Variants in ADGRL3 observed in about 807,000 individuals in gnomAD.
The protein encoded by ADGRL3 is adhesion G protein-coupled receptor L3, also known as calcium-independent alpha-latrotoxin receptor 3.
A neutral mutation model predicts 153.5 loss-of-function variants in ADGRL3; 62 were observed. The ratio of observed to expected loss-of-function variants is 0.40; its 90% CI spans 0.33 to 0.50. ADGRL3 has a LOEUF of 0.50. ADGRL3 is among the 20% of genes least tolerant of loss of function. The pLI is 0.47. For missense variants in ADGRL3, 1,641 were observed against 1,859.4 expected (o/e 0.88, Z 2.16); for synonymous variants, 710 against 672.5 (o/e 1.06, Z -0.86).
intron 1 of ADGRL3, among the ~76,000 whole-genome samples, chr4:61,259,291 C>T (rs974988265): frequency 1.3e-5 from 2 of 151,912 alleles, no homozygotes; most frequent in Admixed American, 6.6e-5. Context: ...GGCGTGGTGG[C>T]GGGCACCTGT....
intron 4 of ADGRL3, among the ~76,000 whole-genome samples, chr4:61,571,063 A>AT (rs1447621443): frequency 6.6e-6 from 1 of 152,110 alleles, no homozygotes; most frequent in Non-Finnish European, 1.5e-5. Flanking sequence ...ATTTGCAAAT[A>AT]GTAAAGATGG....
At chr4:61,561,395 ATTTAAC>A (rs1344189672) in intron 4 of ADGRL3, among the ~76,000 whole-genome samples, 2 of 152,154 alleles carry the variant, frequency 1.3e-5, no homozygotes, top group Non-Finnish European at 2.9e-5. Context: ...TTATAATCTC[ATTTAAC>A]TCCAGGTACA....
At chr4:61,996,430 C>T (rs2099121905) in intron 20 of ADGRL3, 73 bp downstream of exon 20, 1 of 1,024,646 alleles carries the variant, frequency 9.8e-7, no homozygotes. Context: ...TACTGACTGT[C>T]TTTAATTTAC....
chr4:61,938,487 T>C (rs1376833072), intron 15 of ADGRL3, among the ~76,000 whole-genome samples: 1 of 152,124 alleles, frequency 6.6e-6, no homozygotes, highest in Non-Finnish European at 1.5e-5. Flanking sequence ...GGATATCTCA[T>C]AGAATCACTG....
intron 9 of ADGRL3, among the ~76,000 whole-genome samples, chr4:61,875,589 C>G (rs979669466): frequency 7.9e-5 from 12 of 152,108 alleles, no homozygotes; most frequent in African/African-American, 2.7e-4. Flanking sequence ...GTGTTGGAAA[C>G]TAATTTCAAA....
At chr4:61,618,395 T>TA (rs1468741424) in intron 5 of ADGRL3, among the ~76,000 whole-genome samples, 25 of 152,216 alleles carry the variant, frequency 1.6e-4, no homozygotes, top group African/African-American at 5.3e-4. Context: ...TGTTTCTATG[T>TA]AACAAATTGC....
At chr4:61,651,100 G>A (rs1471287936) in intron 5 of ADGRL3, among the ~76,000 whole-genome samples, 1 of 151,976 alleles carries the variant, frequency 6.6e-6, no homozygotes, top group Non-Finnish European at 1.5e-5. Context: ...CTATTTACTT[G>A]GCAGTTTAAA....
chr4:61,921,487 C>T (rs1363540890), intron 13 of ADGRL3, among the ~76,000 whole-genome samples: 2 of 152,110 alleles, frequency 1.3e-5, no homozygotes, highest in South Asian at 2.1e-4. Flanking sequence ...GGCGTGATCT[C>T]GGCTCACTGC....
chr4:61,496,434 C>T (rs938661679), intron 2 of ADGRL3, among the ~76,000 whole-genome samples: 6 of 149,638 alleles, frequency 4.0e-5, no homozygotes, highest in Non-Finnish European at 7.4e-5. Context: ...GAGGCCGAGG[C>T]GGGTGGATCA....
intron 17 of ADGRL3, among the ~76,000 whole-genome samples, chr4:61,961,373 T>G (rs978264731): frequency 2.6e-5 from 4 of 152,188 alleles, no homozygotes; most frequent in Non-Finnish European, 5.9e-5. Flanking sequence ...AGAAAGGGTA[T>G]TTCAAAATAT....
chr4:61,519,667 A>G (rs894954450), intron 4 of ADGRL3, among the ~76,000 whole-genome samples: 2 of 152,176 alleles, frequency 1.3e-5, no homozygotes, highest in African/African-American at 4.8e-5. Context: ...TTGGACAGGT[A>G]TTAAAAATGA....
chr4:61,792,062 T>A (rs6855424), intron 8 of ADGRL3, among the ~76,000 whole-genome samples: 72,924 of 152,038 alleles, frequency 0.48, 18,001 homozygotes, highest in East Asian at 0.61. Context: ...CTCCTCATTA[T>A]GCAAATTTCT....
intron 9 of ADGRL3, among the ~76,000 whole-genome samples, chr4:61,888,136 T>C (rs2098549893): frequency 6.6e-6 from 1 of 152,186 alleles, no homozygotes; most frequent in South Asian, 2.1e-4. Context: ...GTTTAGTTAT[T>C]TTTATGAAAA....
intron 1 of ADGRL3, among the ~76,000 whole-genome samples, chr4:61,243,863 G>A (rs2149354469): frequency 6.6e-6 from 1 of 152,088 alleles, no homozygotes; most frequent in South Asian, 2.1e-4. Context: ...ATTTCATTGT[G>A]CAATCTAATA....
intron 5 of ADGRL3, among the ~76,000 whole-genome samples, chr4:61,624,608 G>A (rs1412816680): frequency 6.6e-6 from 1 of 151,990 alleles, no homozygotes; most frequent in Non-Finnish European, 1.5e-5. Context: ...TATGCATCTA[G>A]AATGATACCA....
intron 5 of ADGRL3, among the ~76,000 whole-genome samples, chr4:61,649,356 T>A (rs1290640740): frequency 2.6e-5 from 4 of 152,148 alleles, no homozygotes; most frequent in Admixed American, 2.6e-4. Flanking sequence ...CAGCAACATC[T>A]AAATTTACCA....
In ADGRL3 at chr4:62,071,636, A is replaced by G; in HGVS notation, c.*728A>G. ...AGAATTTGAGTCCTGTTAATGTAGT[A>G]GAAAAAAAAAAAAGAAATTTTCTTT... On this transcript the variant is annotated 3_prime_UTR_variant, in exon 27 of 27. Transcript: ENST00000683033. 2.7e-6 allele frequency: 1 copy of G among 371,658 alleles called. No homozygotes were observed. Among genetic ancestry groups the G allele is most frequent in the South Asian group, 2.1e-5 (1 of 47,290 alleles). The allele number at this position is 371,658 out of a possible 1,614,324, so 23.0% of individuals were successfully genotyped here. A position where few individuals can be genotyped will look rare whatever the true frequency, so the allele number is the denominator to read the frequency against.
intron 1 of ADGRL3, among the ~76,000 whole-genome samples, chr4:61,262,158 G>A (rs972828146): frequency 7.2e-5 from 11 of 152,082 alleles, no homozygotes; most frequent in South Asian, 4.1e-4. Flanking sequence ...TTTACATTTT[G>A]GCAGTGCCAC....
intron 5 of ADGRL3, among the ~76,000 whole-genome samples, chr4:61,673,930 A>G (rs985773441): frequency 6.6e-5 from 10 of 151,146 alleles, no homozygotes; most frequent in African/African-American, 2.4e-4. Flanking sequence ...TAGGCATAAC[A>G]TTTTTTGTTT....
Sources: gnomAD v4.1 joint callset for allele counts (sites outside exome capture counted in the v4.1 genomes callset) on GRCh38, gnomAD v4.1.1 for gene constraint, MANE v1.5 for transcripts, NCBI Gene and HGNC (gene_info 2026-07-23, HGNC 2026-07-21) for gene names.